Variants in PXMP2 observed in about 807,000 individuals in gnomAD.
PXMP2 encodes 22 kDa peroxisomal membrane protein.
A neutral mutation model predicts 20.2 loss-of-function variants in PXMP2; 13 were observed. The ratio of observed to expected loss-of-function variants is 0.64; its 90% CI spans 0.42 to 1.02. PXMP2 has a LOEUF of 1.02. Among genes scored for constraint, PXMP2 ranks in the 50% least tolerant of loss-of-function variants. The probability of loss-of-function intolerance (pLI) is 0.00; values close to 1 mark genes in which losing one functional copy is unlikely to be tolerated. For synonymous variants in PXMP2, 113 were observed against 111.2 expected (o/e 1.02, Z -0.10); for missense variants, 284 against 251.8 (o/e 1.13, Z -0.87).
chr12:132,699,689 G>A (rs775617559), intron 3 of PXMP2, among the ~76,000 whole-genome samples: 2 of 151,520 alleles, frequency 1.3e-5, no homozygotes, highest in Non-Finnish European at 2.9e-5. Context: ...GCCACCGTGC[G>A]CGGCCGAGTT....
intron 4 of PXMP2, chr12:132,702,393 G>C (rs2043447710): frequency 3.5e-6 from 1 of 284,842 alleles, no homozygotes. Flanking sequence ...TGGAGCTCCA[G>C]GCTCTGCCAC....
chr12:132,689,654 T>G (rs2043355564), intron 1 of PXMP2, among the ~76,000 whole-genome samples: 1 of 152,170 alleles, frequency 6.6e-6, no homozygotes, highest in Non-Finnish European at 1.5e-5. Flanking sequence ...AACCAAGGCC[T>G]GGAGGGAGCC....
At chr12:132,689,198 G>T (rs573853636) in intron 1 of PXMP2, among the ~76,000 whole-genome samples, 12 of 146,554 alleles carry the variant, frequency 8.2e-5, no homozygotes, top group African/African-American at 2.8e-4. Flanking sequence ...AGGGCCAAGG[G>T]AGCGGGTCTG....
intron 4 of PXMP2, among the ~76,000 whole-genome samples, chr12:132,703,665 A>G (rs964454457): frequency 2.6e-5 from 4 of 152,126 alleles, no homozygotes; most frequent in South Asian, 2.1e-4. Flanking sequence ...AGGAGGGGCA[A>G]GTTTGGCCAT....
At chr12:132,694,725 T>G (rs1593106375) in intron 2 of PXMP2, among the ~76,000 whole-genome samples, 7 of 118,452 alleles carry the variant, frequency 5.9e-5, no homozygotes, top group South Asian at 2.9e-4. Flanking sequence ...GTTAGTGAGC[T>G]CCCTTGCCAG....
intron 3 of PXMP2, among the ~76,000 whole-genome samples, chr12:132,700,603 T>A (rs192596799): frequency 6.6e-6 from 1 of 152,336 alleles, no homozygotes; most frequent in Admixed American, 6.5e-5. Flanking sequence ...ATAATATGCA[T>A]ATATTTTTTC....
chr12:132,687,986 C>T, intron 1 of PXMP2, 194 bp downstream of exon 1: 1 of 436,280 alleles, frequency 2.3e-6, no homozygotes, highest in Non-Finnish European at 3.2e-6. Flanking sequence ...GATTGTGAGG[C>T]GCCTTGCGGA....
chr12:132,693,665 T>TAGTTAGTGAGCGCCCTTGCC (rs2043387595), intron 2 of PXMP2, among the ~76,000 whole-genome samples: 1 of 110,822 alleles, frequency 9.0e-6, no homozygotes, highest in African/African-American at 3.8e-5. Flanking sequence ...CCTTGCCAGT[T>TAGTTAGTGAGCGCCCTTGCC]AGTTAGTGAG....
intron 4 of PXMP2, among the ~76,000 whole-genome samples, chr12:132,703,002 A>T (rs2043451365): frequency 1.3e-5 from 2 of 152,256 alleles, no homozygotes; most frequent in Admixed American, 1.3e-4. Flanking sequence ...CAGGAGTTAA[A>T]GCAAAATAAA....
chr12:132,700,381 G>A (rs926748539), intron 3 of PXMP2, among the ~76,000 whole-genome samples: 23 of 152,086 alleles, frequency 1.5e-4, no homozygotes, highest in South Asian at 1.0e-3. Context: ...TCTGACTCGC[G>A]TGAGGTGGTA....
intron 3 of PXMP2, 31 bp from the exon 4 acceptor site, chr12:132,701,219 C>G: frequency 3.7e-6 from 6 of 1,612,954 alleles, no homozygotes; most frequent in Non-Finnish European, 5.1e-6. Context: ...GGCAGTGAGA[C>G]TGTTCACCAC....
In PXMP2 at chr12:132,701,537, T is replaced by TAG. The variant is rs1374160935; in HGVS notation, c.519+169_519+170insGA. On this transcript the variant is annotated intron_variant, in intron 4 of 4. Transcript: ENST00000317479. Reference sequence around the variant, plus strand: ...TTCATCCGTGTCTAGACTCCTCAACTACCCTTGGATTTTGCCCATGACCCT... The same window carrying TAG: ...TTCATCCGTGTCTAGACTCCTCAACTAGACCCTTGGATTTTGCCCATGACCCT... 4.3e-6 allele frequency: 4 copies of TAG among 923,056 alleles called. No individual in the cohort carries two copies. In the African/African-American group the frequency reaches 7.0e-5, roughly 16 times the overall value. 57.2% of individuals were successfully genotyped at this position (923,056 alleles called of 1,614,324 possible). A position where few individuals can be genotyped will look rare whatever the true frequency, so the allele number is the denominator to read the frequency against.
intron 3 of PXMP2, among the ~76,000 whole-genome samples, chr12:132,698,429 T>C (rs2043421829): frequency 6.6e-6 from 1 of 152,244 alleles, no homozygotes; most frequent in African/African-American, 2.4e-5. Flanking sequence ...TACAGGAAGA[T>C]AATAGAAATA....
intron 2 of PXMP2, among the ~76,000 whole-genome samples, chr12:132,694,148 A>C (rs2043392578): frequency 1.7e-5 from 2 of 119,670 alleles, no homozygotes; most frequent in Admixed American, 8.0e-5. Flanking sequence ...CCAGTTAGTT[A>C]GTGAGCTCCC....
intron 2 of PXMP2, among the ~76,000 whole-genome samples, chr12:132,694,131 G>T (rs866969117): frequency 2.3e-3 from 214 of 93,572 alleles, no homozygotes; most frequent in African/African-American, 6.3e-3. Flanking sequence ...GTTAGTGAGC[G>T]CCCTTGCCAG....
intron 2 of PXMP2, among the ~76,000 whole-genome samples, chr12:132,692,152 C>G (rs1369430155): frequency 6.7e-6 from 1 of 148,412 alleles, no homozygotes; most frequent in African/African-American, 2.5e-5. Flanking sequence ...AGTGAGCTCC[C>G]TTGCCAGTTA....
chr12:132,694,770 G>A (rs1381755081), intron 2 of PXMP2, among the ~76,000 whole-genome samples: 7 of 115,228 alleles, frequency 6.1e-5, no homozygotes, highest in African/African-American at 2.2e-4. Flanking sequence ...GTTAGTGAGT[G>A]CCCTTGCCAG....
chr12:132,699,425 A>G (rs1593108695), intron 3 of PXMP2, among the ~76,000 whole-genome samples: 1 of 151,434 alleles, frequency 6.6e-6, no homozygotes, highest in Non-Finnish European at 1.5e-5. Context: ...CCTGTCTTGG[A>G]AAAAAAAAGT....
At chr12:132,703,762 G>T (rs898778921) in intron 4 of PXMP2, among the ~76,000 whole-genome samples, 5 of 152,232 alleles carry the variant, frequency 3.3e-5, no homozygotes, top group Non-Finnish European at 7.3e-5. Context: ...GTCAGCATCT[G>T]GGGAAGTGAG....
Sources: gnomAD v4.1 joint callset for allele counts (sites outside exome capture counted in the v4.1 genomes callset) on GRCh38, gnomAD v4.1.1 for gene constraint, MANE v1.5 for transcripts, NCBI Gene and HGNC (gene_info 2026-07-23, HGNC 2026-07-21) for gene names.